Variants in BMPR1B observed in about 807,000 individuals in gnomAD.
BMPR1B encodes the protein bone morphogenetic protein receptor type 1B, also known as bone morphogenetic protein receptor type-1B.
BMPR1B carries 12 observed loss-of-function variants against 59.1 expected under a neutral mutation model. The observed-to-expected ratio is 0.20, with a 90% CI of 0.13 to 0.33. The LOEUF (loss-of-function observed/expected upper bound fraction) is 0.33. Among genes scored for constraint, BMPR1B ranks in the 10% least tolerant of loss-of-function variants. BMPR1B has a pLI of 1.00. For missense variants in BMPR1B, 550 were observed against 610.9 expected, an observed-to-expected ratio of 0.90 and a Z score of 1.05; for synonymous variants, 237 against 207.3, an observed-to-expected ratio of 1.14 and a Z score of -1.23.
chr4:94,961,296 G>A (rs1730343082), intron 2 of BMPR1B, among the ~76,000 whole-genome samples: 1 of 152,040 alleles, frequency 6.6e-6, no homozygotes, highest in Admixed American at 6.6e-5. Flanking sequence ...TTGTTTATGT[G>A]TTGTCTAGGA....
intron 2 of BMPR1B, among the ~76,000 whole-genome samples, chr4:94,971,687 A>C (rs1038103291): frequency 1.2e-4 from 18 of 152,054 alleles, no homozygotes; most frequent in African/African-American, 4.3e-4. Flanking sequence ...TGAGCTTTTT[A>C]AGCATCTAGT....
At chr4:94,925,043 A>G (rs1267877527) in intron 2 of BMPR1B, among the ~76,000 whole-genome samples, 1 of 152,102 alleles carries the variant, frequency 6.6e-6, no homozygotes, top group African/African-American at 2.4e-5. Flanking sequence ...TTTGAGGTAT[A>G]CAAAATACAT....
chr4:95,043,270 C>T (rs1380595168), intron 3 of BMPR1B, among the ~76,000 whole-genome samples: 3 of 151,144 alleles, frequency 2.0e-5, no homozygotes, highest in African/African-American at 7.3e-5. Context: ...CAAGTCTGAC[C>T]TCATGGTCTT....
intron 4 of BMPR1B, 114 bp from the exon 5 acceptor site, chr4:95,114,606 A>G (rs1357830683): frequency 1.1e-6 from 1 of 939,124 alleles, no homozygotes; most frequent in Non-Finnish European, 1.8e-6. Context: ...TTGTTGCAAT[A>G]AAACAAATGA....
At chr4:95,128,818 T>C (rs756672940) in intron 8 of BMPR1B, among the ~76,000 whole-genome samples, 19 of 152,242 alleles carry the variant, frequency 1.2e-4, no homozygotes, top group Non-Finnish European at 2.6e-4. Context: ...TGGCATTCTG[T>C]ATCTCAGAAT....
rs546374903 is a variant in BMPR1B at position 95,072,898 on chromosome 4, G to A, written c.-17-31510G>A. On this transcript the variant is annotated intron_variant, in intron 3 of 12. Transcript: ENST00000515059. ...GTTCATATTGGAAATTACAGAAAGA[G>A]TCTATTAAATAAGCATAATCATTTT... 9.3e-4 allele frequency among the ~76,000 whole-genome samples: 141 copies of A among 152,188 alleles called. 1 individual carries two copies. Among genetic ancestry groups the A allele is most frequent in the African/African-American group, 2.6e-3 (108 of 41,538 alleles).
At chr4:95,140,207 T>G (rs1734122193) in intron 10 of BMPR1B, among the ~76,000 whole-genome samples, 1 of 152,180 alleles carries the variant, frequency 6.6e-6, no homozygotes, top group Non-Finnish European at 1.5e-5. Context: ...CCCTTGAAAG[T>G]AGATAACATG....
intron 10 of BMPR1B, among the ~76,000 whole-genome samples, chr4:95,131,952 T>C (rs112227214): frequency 0.039 from 5,868 of 152,284 alleles, 175 homozygotes; most frequent in Middle Eastern, 0.099. Flanking sequence ...CCAGCTGTTA[T>C]TCAGTACTGT....
intron 10 of BMPR1B, among the ~76,000 whole-genome samples, chr4:95,142,780 A>C (rs1285445919): frequency 6.7e-6 from 1 of 149,940 alleles, no homozygotes. Context: ...ACAGTGGGGA[A>C]AGTGCCCTGT....
chr4:94,913,208 TGGA>T (rs1728353197), intron 2 of BMPR1B, among the ~76,000 whole-genome samples: 1 of 151,966 alleles, frequency 6.6e-6, no homozygotes, highest in Non-Finnish European at 1.5e-5. Flanking sequence ...AGCTCATAGG[TGGA>T]GATTAAGCAT....
chr4:94,770,178 CTGTGTTTGTTT>C (rs745915269), intron 1 of BMPR1B, among the ~76,000 whole-genome samples: 1 of 24,016 alleles, frequency 4.2e-5, no homozygotes, highest in South Asian at 7.5e-4. Flanking sequence ...TCCTTCGTTT[CTGTGTTTGTTT>C]TTTTTTTTTT....
intron 2 of BMPR1B, among the ~76,000 whole-genome samples, chr4:94,950,472 T>G (rs1248653226): frequency 6.6e-6 from 1 of 152,174 alleles, no homozygotes; most frequent in Non-Finnish European, 1.5e-5. Context: ...TTGTTTAAGG[T>G]GTAAGGAAGG....
At chr4:95,123,484 G>T (rs145170371) in intron 6 of BMPR1B, among the ~76,000 whole-genome samples, 72 of 152,192 alleles carry the variant, frequency 4.7e-4, no homozygotes, top group Admixed American at 1.6e-3. Context: ...TAATAAAGAT[G>T]AACTACCTGT....
At chr4:94,943,421 C>T (rs1319411798) in intron 2 of BMPR1B, among the ~76,000 whole-genome samples, 5 of 152,150 alleles carry the variant, frequency 3.3e-5, no homozygotes, top group Non-Finnish European at 7.3e-5. Context: ...ACCGTGTCTG[C>T]CTCCACTCAC....
chr4:94,924,765 G>T (rs2149028153), intron 2 of BMPR1B, among the ~76,000 whole-genome samples: 1 of 152,220 alleles, frequency 6.6e-6, no homozygotes. Context: ...CATACCGTAT[G>T]ACACATATCA....
At chr4:94,816,883 C>T (rs1490451513) in intron 1 of BMPR1B, among the ~76,000 whole-genome samples, 2 of 152,044 alleles carry the variant, frequency 1.3e-5, no homozygotes, top group Non-Finnish European at 2.9e-5. Context: ...TAGGTAATGC[C>T]ATGGTCTGAA....
chr4:94,997,430 A>G (rs1276424065), intron 3 of BMPR1B, among the ~76,000 whole-genome samples: 1 of 152,226 alleles, frequency 6.6e-6, no homozygotes, highest in Non-Finnish European at 1.5e-5. Context: ...GTTTAAATGT[A>G]AAGTAAGAAT....
chr4:94,902,088 G>GTGTGTGTGT (rs201783533), intron 2 of BMPR1B, among the ~76,000 whole-genome samples: 2,522 of 119,778 alleles, frequency 0.021, 67 homozygotes, highest in African/African-American at 0.061. Context: ...TGTGTGTGTG[G>GTGTGTGTGT]GGTGTATTTA....
intron 2 of BMPR1B, among the ~76,000 whole-genome samples, chr4:94,958,357 A>G (rs1234308587): frequency 1.3e-5 from 2 of 152,180 alleles, no homozygotes; most frequent in African/African-American, 4.8e-5. Context: ...AATACTGCAG[A>G]CTGGGTGGCT....
Sources: gnomAD v4.1 joint callset for allele counts (sites outside exome capture counted in the v4.1 genomes callset) on GRCh38, gnomAD v4.1.1 for gene constraint, MANE v1.5 for transcripts, NCBI Gene and HGNC (gene_info 2026-07-23, HGNC 2026-07-21) for gene names.